Variants in FAM107A observed in about 807,000 individuals in gnomAD.
The protein encoded by FAM107A is actin-associated protein FAM107A.
In FAM107A, 19 loss-of-function variants were observed where a neutral mutation model predicts 13.7. That is an observed-to-expected ratio of 1.38 (90% CI 0.97 to 2.03). FAM107A has a LOEUF of 2.03. Among genes scored for constraint, FAM107A ranks in the 30% most tolerant of loss-of-function variants. FAM107A has a pLI of 0.00. For synonymous variants in FAM107A, 82 were observed against 74.5 expected (o/e 1.10, Z -0.52); for missense variants, 203 against 184.4 (o/e 1.10, Z -0.58).
At chr3:58,597,066 G>T (rs970141106) in intron 1 of FAM107A, among the ~76,000 whole-genome samples, 13 of 152,170 alleles carry the variant, frequency 8.5e-5, no homozygotes, top group Admixed American at 4.6e-4. Context: ...TCCATTTGGT[G>T]GCTATGTCAC....
At position 58,617,802 on chromosome 3, in the gene FAM107A, C is replaced by T. The variant is rs151171566; in HGVS notation, c.-70+9614G>A. 7.7e-4 allele frequency among the ~76,000 whole-genome samples: 118 copies of T among 152,284 alleles called. No homozygotes were observed. The highest frequency in any genetic ancestry group is 2.6e-3 in the African/African-American group (109 of 41,560). Reference sequence around the variant, plus strand: ...TACCTACTATTAACTCTGCCTTGCACAAGGTGAAGATTTATTCTGGCTTGA... The same window carrying T: ...TACCTACTATTAACTCTGCCTTGCATAAGGTGAAGATTTATTCTGGCTTGA... On this transcript the variant is annotated intron_variant, in intron 1 of 3. Coordinates refer to the FAM107A transcript ENST00000465970. This position sits in a 1 kb window ranked among gnomAD's most constrained non-coding sequence, Gnocchi z 4.5.
At chr3:58,620,383 A>G (rs951552587) in intron 1 of FAM107A, among the ~76,000 whole-genome samples, 1 of 152,196 alleles carries the variant, frequency 6.6e-6, no homozygotes, top group African/African-American at 2.4e-5. Context: ...GGTAATGCAC[A>G]TGCGGTTCTG....
chr3:58,616,913 A>C (rs1444642001), intron 1 of FAM107A, among the ~76,000 whole-genome samples: 1 of 152,154 alleles, frequency 6.6e-6, no homozygotes, highest in African/African-American at 2.4e-5. Context: ...AGCTGGGACT[A>C]CAGGCACACG....
intron 1 of FAM107A, among the ~76,000 whole-genome samples, chr3:58,575,029 G>A (rs567701305): frequency 9.8e-5 from 15 of 152,334 alleles, no homozygotes; most frequent in East Asian, 3.9e-4. Flanking sequence ...GGCCCAGTTC[G>A]TCTTGACAAT....
At chr3:58,605,689 C>T (rs961155862) in intron 1 of FAM107A, among the ~76,000 whole-genome samples, 2 of 152,224 alleles carry the variant, frequency 1.3e-5, no homozygotes, top group Non-Finnish European at 2.9e-5. Flanking sequence ...GGTCCTCTAT[C>T]ATGGCTGGAA....
chr3:58,622,110 C>A (rs761730146), intron 1 of FAM107A, among the ~76,000 whole-genome samples: 23 of 152,186 alleles, frequency 1.5e-4, no homozygotes, highest in Admixed American at 1.2e-3. Flanking sequence ...GTACAGCAGC[C>A]TCTACTTTGC....
intron 1 of FAM107A, among the ~76,000 whole-genome samples, chr3:58,625,238 G>C (rs547266047): frequency 6.6e-6 from 1 of 152,060 alleles, no homozygotes; most frequent in East Asian, 1.9e-4. Context: ...ATGGGAGGTC[G>C]CACGTGCCCC....
chr3:58,614,506 CTT>C (rs200625039), intron 1 of FAM107A, among the ~76,000 whole-genome samples: 27 of 139,278 alleles, frequency 1.9e-4, no homozygotes, highest in Admixed American at 2.2e-4. Context: ...TTCTTTCTTT[CTT>C]TTTTTTTTTT....
chr3:58,568,331 A>G (rs1386578079), intron 2 of FAM107A, among the ~76,000 whole-genome samples: 2 of 151,750 alleles, frequency 1.3e-5, no homozygotes, highest in African/African-American at 4.8e-5. Flanking sequence ...GCTACTTGGG[A>G]GGCTGAGGCA....
At chr3:58,586,858 C>A in exon 1 of FAM107A, 1 of 1,529,734 alleles carries the variant, frequency 6.5e-7, no homozygotes, top group East Asian at 2.5e-5. Flanking sequence ...TCCCACTTAC[C>A]CGACCGGAGC....
At chr3:58,587,100 C>T (rs901296452) in exon 1 of FAM107A, 4 of 1,365,722 alleles carry the variant, frequency 2.9e-6, no homozygotes, top group South Asian at 3.4e-5. Flanking sequence ...GGCGAGGAGA[C>T]GCCGCCGGGG....
At position 58,567,232 on chromosome 3, in the gene FAM107A, C is replaced by A. The variant is rs1226067460; in HGVS notation, c.303G>T (p.Leu101=). ...RLQCPFEQEL[L]RRQQRLNQLE... is the part of the protein sequence containing the mutation. The stretch of plus-strand genomic sequence containing the variant: ...CCTGGTTCAGCCTCTGCTGCCGTCT[C>A]AGCAGCTCCTGCTCAAAGGGGCACT... The change falls in exon 3 of 4, where the codon CTG becomes CTT. Residue 101 remains leucine (L), a synonymous_variant. Transcript: ENST00000360997. The A allele has an allele frequency of 6.2e-7, 1 of 1,614,200 alleles. No individual in the cohort carries two copies. Among genetic ancestry groups the A allele is most frequent in the African/African-American group, 1.3e-5 (1 of 75,054 alleles).
At chr3:58,583,538 C>T (rs1483322414) in intron 1 of FAM107A, among the ~76,000 whole-genome samples, 4 of 151,864 alleles carry the variant, frequency 2.6e-5, no homozygotes, top group African/African-American at 9.7e-5. Context: ...AGGAGAGTTG[C>T]TTGAACTCGG....
Position 58,586,104 on chromosome 3 carries a change from A to G in FAM107A, c.79+754T>C, listed in dbSNP as rs114457636. ...TCCCTTCCCCTCCCCACCTTGTGTC[A>G]TGCCTCACTGGACAGCAGACCTCCT... On this transcript the variant is annotated intron_variant, in intron 1 of 3. Coordinates refer to the FAM107A transcript ENST00000447756. Among the ~76,000 whole-genome samples the G allele has an allele frequency of 7.4e-3, 1,132 of 152,216 alleles. 11 individuals carry two copies. Among genetic ancestry groups the G allele is most frequent in the African/African-American group, 0.026 (1,079 of 41,522 alleles).
rs1470685975 is a variant in FAM107A, at chr3:58,613,762, C to G, written c.-70+13654G>C. The stretch of plus-strand genomic sequence containing the variant: ...TGGGGAGGCTCAACCCTCCCAAGTG[C>G]TCAGCTTACCACAGCTGCCAAGTCC... On this transcript the variant is annotated intron_variant, in intron 1 of 3. Coordinates refer to the FAM107A transcript ENST00000465970. This position sits in a 1 kb window ranked among gnomAD's most constrained non-coding sequence, Gnocchi z 4.6. Among the ~76,000 whole-genome samples, 2 of 152,218 alleles carry G rather than the reference C, an allele frequency of 1.3e-5. No individual in the cohort carries two copies. Among genetic ancestry groups the G allele is most frequent in the East Asian group, 3.9e-4 (2 of 5,192 alleles).
Position 58,567,279 on chromosome 3 carries a change from C to T in FAM107A, c.256G>A (p.Glu86Lys), listed in dbSNP as rs1176317305. 1.2e-6 allele frequency: 2 copies of T among 1,613,484 alleles called. No individual in the cohort carries two copies. Among genetic ancestry groups the T allele is most frequent in the African/African-American group, 2.7e-5 (2 of 74,864 alleles). The change falls in exon 3 of 4, where the codon GAG becomes AAG. Residue 86 changes from glutamate (E) to lysine (K), a missense_variant. By Grantham distance (56) the Glu-to-Lys change is moderately conservative. Coordinates refer to ENST00000360997, the MANE Select transcript of FAM107A (RefSeq NM_001076778.3). The part of the protein sequence containing the change: ...RNQLIKKKKE[E>K]LEAKRLQCPF... ...CACTGCAGCCGCTTGGCTTCCAGCT[C>T]CTCCTTCTTCTTCTTGATGAGCTGG...
Position 58,564,631 on chromosome 3 carries a change from C to T in FAM107A, c.*1957G>A, listed in dbSNP as rs2063602200. 6.6e-6 allele frequency: 1 copy of T among 152,252 alleles called. No homozygotes were observed. Among genetic ancestry groups the T allele is most frequent in the African/African-American group, 2.4e-5 (1 of 41,456 alleles). The allele number at this position is 152,252 out of a possible 1,614,324, so 9.4% of individuals were successfully genotyped here. On this transcript the variant is annotated 3_prime_UTR_variant, in exon 4 of 4. Coordinates refer to ENST00000360997, the MANE Select transcript of FAM107A (RefSeq NM_001076778.3). This position sits in a 1 kb window ranked among gnomAD's most constrained non-coding sequence, Gnocchi z 5.6. Reference sequence around the variant, plus strand: ...CCTCTGGGGACCACTGGGTGAATCCCCAGGCATTCCCTTGGAGAGCCCTCG... The same window carrying T: ...CCTCTGGGGACCACTGGGTGAATCCTCAGGCATTCCCTTGGAGAGCCCTCG...
chr3:58,568,623 G>A (rs778735800), intron 2 of FAM107A, among the ~76,000 whole-genome samples: 5 of 151,314 alleles, frequency 3.3e-5, no homozygotes. Flanking sequence ...CAGAGAAAAT[G>A]CTCATATTAT....
chr3:58,587,550 A>G (rs1462845252), upstream of FAM107A, among the ~76,000 whole-genome samples: 1 of 151,420 alleles, frequency 6.6e-6, no homozygotes, highest in Non-Finnish European at 1.5e-5. Flanking sequence ...CAGAACAAAC[A>G]CTATACAGTA....
Sources: allele counts gnomAD v4.1 joint callset (sites outside exome capture counted in the v4.1 genomes callset), GRCh38; gene constraint gnomAD v4.1.1; non-coding constraint Gnocchi (gnomAD v3.1); transcripts MANE v1.5; gene names NCBI Gene and HGNC (gene_info 2026-07-23, HGNC 2026-07-21).